ELAVL3: variants seen among roughly 807,000 people sequenced by gnomAD.
ELAVL3 encodes ELAV like RNA binding protein 3.
Under a neutral mutation model 34.2 loss-of-function variants are expected in ELAVL3, and 8 were observed. The ratio of observed to expected loss-of-function variants is 0.23; its 90% confidence interval spans 0.14 to 0.42. The LOEUF is 0.42. Ranked by LOEUF, ELAVL3 falls within the 10% of genes least tolerant of loss-of-function variation. The probability of loss-of-function intolerance (pLI) is 1.00; values close to 1 mark genes in which losing one functional copy is unlikely to be tolerated. For missense variants in ELAVL3, 273 were observed against 518.8 expected (o/e 0.53, Z 4.60); for synonymous variants, 209 against 222.1 (o/e 0.94, Z 0.53).
chr19:11,459,092 C>T (rs926817650), intron 3 of ELAVL3, among the ~76,000 whole-genome samples: 6 of 151,664 alleles, frequency 4.0e-5, no homozygotes, highest in African/African-American at 1.5e-4. Context: ...AGACTACAGG[C>T]GCCCACCACC....
chr19:11,474,082 G>T (rs1364427009), intron 1 of ELAVL3, among the ~76,000 whole-genome samples: 1 of 152,068 alleles, frequency 6.6e-6, no homozygotes, highest in Admixed American at 6.6e-5. Context: ...ACCCAGACTG[G>T]GGTGCAGTGG....
intron 1 of ELAVL3, among the ~76,000 whole-genome samples, chr19:11,468,455 C>T (rs1267970014): frequency 2.0e-5 from 3 of 150,990 alleles, no homozygotes; most frequent in Non-Finnish European, 4.4e-5. Flanking sequence ...CCCTCTGTCA[C>T]CCAGGCTGGG....
At chr19:11,472,475 A>G (rs1971183217) in intron 1 of ELAVL3, among the ~76,000 whole-genome samples, 1 of 151,896 alleles carries the variant, frequency 6.6e-6, no homozygotes, top group South Asian at 2.1e-4. Context: ...CCGAGGTGGG[A>G]GGACTGGTTG....
rs1236599277 is a variant in ELAVL3 at position 11,464,167 on chromosome 19, ATTT to A, written c.333+2002_333+2004del. Among the ~76,000 whole-genome samples the A allele has an allele frequency of 3.1e-3, 318 of 103,806 alleles. 2 individuals are homozygous for A. The highest frequency in any genetic ancestry group is 9.7e-3 in the African/African-American group (223 of 23,084). 68.1% of individuals were successfully genotyped at this position (103,806 alleles called of 152,430 possible). A position where few individuals can be genotyped will look rare whatever the true frequency, so the allele number is the denominator to read the frequency against. On this transcript the variant is annotated intron_variant, in intron 3 of 6. Coordinates refer to ENST00000359227, the MANE Select transcript of ELAVL3 (RefSeq NM_001420.4). ...TCTCTCTCTCTATATATATATATAT[ATTT>A]TTTTTTTTTTTAGACAGGGTCTTGC...
At position 11,480,900 on chromosome 19, in the gene ELAVL3, G is replaced by A. The variant is rs1411652688; in HGVS notation, c.-292C>T. 2 of 341,556 alleles carry A rather than the reference G, an allele frequency of 5.9e-6. No homozygotes were observed. Among genetic ancestry groups the A allele is most frequent in the African/African-American group, 4.3e-5 (2 of 46,908 alleles). 21.2% of individuals were successfully genotyped at this position (341,556 alleles called of 1,614,324 possible). A position where few individuals can be genotyped will look rare whatever the true frequency, so the allele number is the denominator to read the frequency against. Reference sequence around the variant, plus strand: ...CCTGCGCGGCCCCGCGGGGCCCGGGGAGGTTGCGCTTCCCGACAGAGATCG... The same window carrying A: ...CCTGCGCGGCCCCGCGGGGCCCGGGAAGGTTGCGCTTCCCGACAGAGATCG... On this transcript the variant is annotated 5_prime_UTR_variant, in exon 1 of 7. Transcript: ENST00000359227. The surrounding 1 kb of genome is among the most constrained non-coding windows in gnomAD (Gnocchi z 6.8).
chr19:11,462,201 T>C (rs567046797), intron 3 of ELAVL3, among the ~76,000 whole-genome samples: 63 of 141,922 alleles, frequency 4.4e-4, no homozygotes, highest in Middle Eastern at 3.8e-3. Context: ...AAGAAATAAC[T>C]AGTTTAAAAA....
intron 6 of ELAVL3, among the ~76,000 whole-genome samples, chr19:11,456,163 T>C (rs1970764461): frequency 1.3e-5 from 2 of 152,186 alleles, no homozygotes; most frequent in Admixed American, 6.5e-5. Context: ...TGGAGTGCAG[T>C]GGCACGATCT....
chr19:11,473,593 A>C (rs1971208924), intron 1 of ELAVL3, among the ~76,000 whole-genome samples: 1 of 152,224 alleles, frequency 6.6e-6, no homozygotes, highest in Non-Finnish European at 1.5e-5. Context: ...CTCTACATGC[A>C]AGTTTTCTGT....
intron 3 of ELAVL3, among the ~76,000 whole-genome samples, chr19:11,459,050 C>A (rs1399454859): frequency 6.6e-6 from 1 of 151,908 alleles, no homozygotes; most frequent in Non-Finnish European, 1.5e-5. Context: ...TGGGCTCAAG[C>A]AATCCTACCG....
rs1233478245 is a variant in ELAVL3, at chr19:11,452,237, T to C, written c.*2289A>G. On this transcript the variant is annotated 3_prime_UTR_variant, in exon 7 of 7. Transcript: ENST00000359227. ...TTAATAATTATTATTACTTTAATGA[T>C]TCCACTTCCCCTTTTATAAATAAAT... 2.0e-5 allele frequency: 3 copies of C among 152,222 alleles called. No individual in the cohort carries two copies. The East Asian group carries it at 5.8e-4, about 29-fold the overall frequency. 9.4% of individuals were successfully genotyped at this position (152,222 alleles called of 1,614,324 possible). A position where few individuals can be genotyped will look rare whatever the true frequency, so the allele number is the denominator to read the frequency against.
At chr19:11,455,346 G>A (rs541556180) in intron 6 of ELAVL3, among the ~76,000 whole-genome samples, 7 of 150,892 alleles carry the variant, frequency 4.6e-5, no homozygotes, top group Admixed American at 4.6e-4. Flanking sequence ...TGTTGCCCAG[G>A]CTGGAGTGCA....
intron 3 of ELAVL3, among the ~76,000 whole-genome samples, chr19:11,459,513 C>T (rs985891904): frequency 3.2e-4 from 48 of 151,908 alleles, no homozygotes; most frequent in African/African-American, 1.1e-3. Context: ...ATGATCCGCC[C>T]GCCTCCGCCT....
At chr19:11,465,403 C>G (rs1054739872) in intron 3 of ELAVL3, among the ~76,000 whole-genome samples, 1 of 151,950 alleles carries the variant, frequency 6.6e-6, no homozygotes, top group Non-Finnish European at 1.5e-5. Context: ...CACATACACG[C>G]TGCATCTCAA....
intron 3 of ELAVL3, among the ~76,000 whole-genome samples, chr19:11,459,104 C>G (rs572843201): frequency 9.2e-5 from 14 of 151,798 alleles, no homozygotes; most frequent in African/African-American, 2.9e-4. Context: ...CCCACCACCA[C>G]GCCTGACCAG....
chr19:11,466,412 G>T lies in ELAVL3; in HGVS notation c.230-137C>A. 2 of 1,006,630 alleles carry T rather than the reference G, an allele frequency of 2.0e-6. No homozygotes were observed. Among genetic ancestry groups the T allele is most frequent in the Non-Finnish European group, 3.0e-6 (2 of 662,428 alleles). The allele number at this position is 1,006,630 out of a possible 1,614,324, so 62.4% of individuals were successfully genotyped here. On this transcript the variant is annotated intron_variant, in intron 2 of 6. Transcript: ENST00000359227. The surrounding 1 kb of genome is among the most constrained non-coding windows in gnomAD (Gnocchi z 5.0). The stretch of plus-strand genomic sequence containing the variant: ...TCCAGATGACACCTTCGATGCTAGA[G>T]TCCCACCTGCCTCCATCGCTCCTGA...
In ELAVL3 at chr19:11,480,899, G is replaced by T. The variant is rs1170521236; in HGVS notation, c.-291C>A. On this transcript the variant is annotated 5_prime_UTR_variant, in exon 1 of 7. Transcript: ENST00000359227. The surrounding 1 kb of genome is among the most constrained non-coding windows in gnomAD (Gnocchi z 6.8). ...CCCTGCGCGGCCCCGCGGGGCCCGGGGAGGTTGCGCTTCCCGACAGAGATC... is the reference window on the plus strand; with the variant it reads ...CCCTGCGCGGCCCCGCGGGGCCCGGTGAGGTTGCGCTTCCCGACAGAGATC... 2 of 340,946 alleles carry T rather than the reference G, an allele frequency of 5.9e-6. No individual in the cohort carries two copies. Among genetic ancestry groups the T allele is most frequent in the East Asian group, 8.8e-5 (2 of 22,708 alleles). 21.1% of individuals were successfully genotyped at this position (340,946 alleles called of 1,614,324 possible). A position where few individuals can be genotyped will look rare whatever the true frequency, so the allele number is the denominator to read the frequency against.
At chr19:11,479,663 A>C (rs1412604714) in intron 1 of ELAVL3, among the ~76,000 whole-genome samples, 1 of 150,602 alleles carries the variant, frequency 6.6e-6, no homozygotes, top group Non-Finnish European at 1.5e-5. Flanking sequence ...GGCGGGGCCT[A>C]GATGGGCGTG....
rs1474093234 is a variant in ELAVL3 at position 11,451,585 on chromosome 19, AGGG to A, written c.*2938_*2940del. The A allele has an allele frequency of 6.7e-6, 1 of 149,216 alleles. No homozygotes were observed. Among genetic ancestry groups the A allele is most frequent in the East Asian group, 2.0e-4 (1 of 4,976 alleles). The allele number at this position is 149,216 out of a possible 1,614,324, so 9.2% of individuals were successfully genotyped here. ...ACCTTCCGAATAAATAACAGGATGA[AGGG>A]AGGGGTGGAGGGGCTGAGCCCCCTC... is the stretch of plus-strand genomic sequence containing the variant. On this transcript the variant is annotated 3_prime_UTR_variant, in exon 7 of 7. Transcript: ENST00000359227.
At chr19:11,477,741 G>GGAGTGCAA (rs1430756328) in intron 1 of ELAVL3, among the ~76,000 whole-genome samples, 4 of 145,792 alleles carry the variant, frequency 2.7e-5, no homozygotes, top group Non-Finnish European at 4.5e-5. Flanking sequence ...TGCCCAGCCT[G>GGAGTGCAA]GAGTGCAATG....
Sources: allele counts gnomAD v4.1 joint callset (sites outside exome capture counted in the v4.1 genomes callset), GRCh38; gene constraint gnomAD v4.1.1; non-coding constraint Gnocchi (gnomAD v3.1); transcripts MANE v1.5; gene names NCBI Gene and HGNC (gene_info 2026-07-23, HGNC 2026-07-21).